PDLIM4: variants seen among roughly 807,000 people sequenced by gnomAD.
The protein encoded by PDLIM4 is PDZ and LIM domain protein 4.
Under a neutral mutation model 31.3 loss-of-function variants are expected in PDLIM4, and 19 were observed. The observed-to-expected ratio is 0.61, with a 90% CI of 0.42 to 0.89. The LOEUF (loss-of-function observed/expected upper bound fraction) is 0.89, where lower values mean the gene tolerates loss of function less well. Ranked by LOEUF, PDLIM4 falls within the 40% of genes least tolerant of loss-of-function variation. The probability of loss-of-function intolerance (pLI) is 0.00; values close to 1 mark genes in which losing one functional copy is unlikely to be tolerated. For missense variants in PDLIM4, 442 were observed against 461.1 expected (o/e 0.96, Z 0.38); for synonymous variants, 176 against 190.1 (o/e 0.93, Z 0.61).
At chr5:132,259,267 C>G (rs964333038) in intron 1 of PDLIM4, among the ~76,000 whole-genome samples, 1 of 152,020 alleles carries the variant, frequency 6.6e-6, no homozygotes, top group African/African-American at 2.4e-5. Context: ...GGGCGTGAGG[C>G]CGCTGACAGG....
At chr5:132,259,149 G>A (rs1462226865) in intron 1 of PDLIM4, among the ~76,000 whole-genome samples, 2 of 151,728 alleles carry the variant, frequency 1.3e-5, no homozygotes, top group African/African-American at 4.8e-5. Flanking sequence ...GTGTGTGTGT[G>A]TGTGTGTGTG....
intron 1 of PDLIM4, chr5:132,261,332 C>A (rs1756369479): frequency 6.6e-6 from 1 of 152,394 alleles, no homozygotes; most frequent in African/African-American, 2.4e-5. Context: ...AGGCAGCCTA[C>A]TTCAGGGCAG....
chr5:132,269,553 G>C (rs1204616163), intron 3 of PDLIM4, among the ~76,000 whole-genome samples: 1 of 151,748 alleles, frequency 6.6e-6, no homozygotes, highest in Non-Finnish European at 1.5e-5. Context: ...TTGGGGTGGG[G>C]GAAATGGAGG....
At chr5:132,266,146 C>G (rs967496854) in intron 2 of PDLIM4, among the ~76,000 whole-genome samples, 3 of 152,222 alleles carry the variant, frequency 2.0e-5, no homozygotes, top group Non-Finnish European at 4.4e-5. Flanking sequence ...CCTCTTTGAG[C>G]TGAGCTTCTG....
At chr5:132,259,519 A>G (rs1756328922) in intron 1 of PDLIM4, among the ~76,000 whole-genome samples, 1 of 152,184 alleles carries the variant, frequency 6.6e-6, no homozygotes, top group African/African-American at 2.4e-5. Flanking sequence ...GCTCAGGCCC[A>G]AGGAGCCAGG....
At chr5:132,266,077 G>A (rs745779255) in intron 2 of PDLIM4, among the ~76,000 whole-genome samples, 3 of 152,196 alleles carry the variant, frequency 2.0e-5, no homozygotes, top group Non-Finnish European at 4.4e-5. Flanking sequence ...CAGAGGATGC[G>A]TGGATAGGCT....
intron 2 of PDLIM4, among the ~76,000 whole-genome samples, chr5:132,263,822 G>A (rs1756429795): frequency 6.6e-6 from 1 of 152,210 alleles, no homozygotes; most frequent in South Asian, 2.1e-4. Flanking sequence ...GGTCAGCCCT[G>A]TTTGTGCTTG....
In PDLIM4 at chr5:132,271,465, C is replaced by A. The variant is rs760622349; in HGVS notation, c.669C>A (p.Gly223=). 1 of 1,607,700 alleles carries A rather than the reference C, an allele frequency of 6.2e-7. No individual in the cohort carries two copies. Among genetic ancestry groups the A allele is most frequent in the Non-Finnish European group, 8.5e-7 (1 of 1,179,840 alleles). The change falls in exon 5 of 7, where the codon GGC becomes GGA. Residue 223 remains glycine (G), a splice_region_variant and synonymous_variant. Coordinates refer to ENST00000253754, the MANE Select transcript of PDLIM4 (RefSeq NM_003687.4). ...AGGGCATGCTAGAGGCCGGCGAGGGCGGTAAGACGCCTGCCACCTGTCCCC... is the reference window on the plus strand; with the variant it reads ...AGGGCATGCTAGAGGCCGGCGAGGGAGGTAAGACGCCTGCCACCTGTCCCC... The part of the protein sequence containing the change: ...YLQGMLEAGE[G]GDWPGPGGPR...
At chr5:132,259,709 C>T (rs182300483) in intron 1 of PDLIM4, among the ~76,000 whole-genome samples, 3 of 152,166 alleles carry the variant, frequency 2.0e-5, no homozygotes, top group Non-Finnish European at 2.9e-5. Context: ...ACCTCCCCTA[C>T]GCGGGACCTG....
chr5:132,271,177 C>T (rs1756601294), intron 4 of PDLIM4, 84 bp downstream of exon 4: 12 of 1,503,340 alleles, frequency 8.0e-6, no homozygotes, highest in East Asian at 2.3e-5. Context: ...CCACTCTGAC[C>T]CCTGACACTT....
At chr5:132,258,444 T>C (rs924289075) in intron 1 of PDLIM4, among the ~76,000 whole-genome samples, 9 of 152,156 alleles carry the variant, frequency 5.9e-5, no homozygotes, top group African/African-American at 2.2e-4. Flanking sequence ...CCCCACAAGA[T>C]GACACAAAGC....
At chr5:132,265,147 G>A (rs1410970884) in intron 2 of PDLIM4, among the ~76,000 whole-genome samples, 1 of 152,188 alleles carries the variant, frequency 6.6e-6, no homozygotes, top group Non-Finnish European at 1.5e-5. Context: ...CCCTTTGCCT[G>A]TCATTTTGTT....
intron 3 of PDLIM4, among the ~76,000 whole-genome samples, chr5:132,268,249 G>A (rs1185201005): frequency 1.3e-5 from 2 of 152,194 alleles, no homozygotes; most frequent in Non-Finnish European, 2.9e-5. Flanking sequence ...GGCTCCATGG[G>A]TGGTGACAAA....
In PDLIM4 at chr5:132,265,130, C is replaced by T. The variant is rs542380791; in HGVS notation, c.246-1334C>T. The stretch of plus-strand genomic sequence containing the variant: ...ACATGTGGCCCAAGGTACCTTTGCA[C>T]AGCCTACCCTTTGCCTGTCATTTTG... On this transcript the variant is annotated intron_variant, in intron 2 of 6. Coordinates refer to ENST00000253754, the MANE Select transcript of PDLIM4 (RefSeq NM_003687.4). Among the ~76,000 whole-genome samples, 3 of 152,346 alleles carry T rather than the reference C, an allele frequency of 2.0e-5. No homozygotes were observed. In the South Asian group the frequency reaches 6.2e-4, roughly 32 times the overall value.
At chr5:132,269,686 G>T (rs1341692529) in intron 3 of PDLIM4, among the ~76,000 whole-genome samples, 2 of 151,936 alleles carry the variant, frequency 1.3e-5, no homozygotes, top group African/African-American at 2.4e-5. Context: ...TCCAAACCAG[G>T]GTTCTTCCCA....
rs547575390 is a variant in PDLIM4, at chr5:132,271,402, C to G, written c.606C>G (p.Ala202=). 1.2e-6 allele frequency: 2 copies of G among 1,608,516 alleles called. No individual in the cohort carries two copies. Among genetic ancestry groups the G allele is most frequent in the South Asian group, 2.2e-5 (2 of 91,076 alleles). ...RMLREPAEPV[A]AEPKQSGSFR... is the part of the protein sequence containing the mutation. ...TGCGGGAGCCAGCCGAGCCCGTGGCCGCGGAGCCCAAGCAGTCAGGCTCCT... is the reference window on the plus strand; with the variant it reads ...TGCGGGAGCCAGCCGAGCCCGTGGCGGCGGAGCCCAAGCAGTCAGGCTCCT... The change falls in exon 5 of 7, where the codon GCC becomes GCG. Residue 202 remains alanine (A), a synonymous_variant. Coordinates refer to ENST00000253754, the MANE Select transcript of PDLIM4 (RefSeq NM_003687.4).
chr5:132,272,025 G>A lies in PDLIM4; in HGVS notation c.789G>A (p.Val263=). ...TGTCCTGTCTCGTTCCCCCCATCAGGGGCACCATCGTCAAGGCACGGGACA... is the reference window on the plus strand; with the variant it reads ...TGTCCTGTCTCGTTCCCCCCATCAGAGGCACCATCGTCAAGGCACGGGACA... ...PECTRCGHGI[V]GTIVKARDKL... Residue 263 remains valine (V), a splice_region_variant and synonymous_variant, in exon 7 of 7, where the codon GTG becomes GTA. Coordinates refer to ENST00000253754, the MANE Select transcript of PDLIM4 (RefSeq NM_003687.4). 2.5e-6 allele frequency: 4 copies of A among 1,614,084 alleles called. No individual in the cohort carries two copies. Among genetic ancestry groups the A allele is most frequent in the Non-Finnish European group, 3.4e-6 (4 of 1,179,882 alleles).
intron 3 of PDLIM4, 122 bp downstream of exon 3, chr5:132,266,667 C>A: frequency 3.3e-6 from 2 of 610,660 alleles, no homozygotes; most frequent in East Asian, 3.0e-5. Flanking sequence ...AAGACAGAGA[C>A]TGAAGCAGAA....
rs758267576 is a variant in PDLIM4, at chr5:132,257,839, G to T, written c.93+12G>T. 4 of 1,442,964 alleles carry T rather than the reference G, an allele frequency of 2.8e-6. No homozygotes were observed. Among genetic ancestry groups the T allele is most frequent in the Middle Eastern group, 1.7e-4 (1 of 5,720 alleles). 89.4% of individuals were successfully genotyped at this position (1,442,964 alleles called of 1,614,324 possible). A position where few individuals can be genotyped will look rare whatever the true frequency, so the allele number is the denominator to read the frequency against. On this transcript the variant is annotated intron_variant, in intron 1 of 6. Transcript: ENST00000253754. The surrounding 1 kb of genome is among the most constrained non-coding windows in gnomAD (Gnocchi z 4.3). ...TCACCATCTCACGGGTGAGTCTGGC[G>T]GCTGCGTGGCGGCAGGGCGGTCCCA...
Sources: gnomAD v4.1 joint callset for allele counts (sites outside exome capture counted in the v4.1 genomes callset) on GRCh38, gnomAD v4.1.1 for gene constraint, Gnocchi (gnomAD v3.1) non-coding constraint, MANE v1.5 for transcripts, NCBI Gene and HGNC (gene_info 2026-07-23, HGNC 2026-07-21) for gene names.